Variants in MTUS2 observed in about 807,000 individuals in gnomAD.
MTUS2 encodes the protein microtubule-associated tumor suppressor candidate 2.
In MTUS2, 40 loss-of-function variants were observed where a neutral mutation model predicts 114.1. The observed-to-expected ratio is 0.35, with a 90% CI of 0.27 to 0.46. MTUS2 has a LOEUF of 0.46. MTUS2 is among the 20% of genes least tolerant of loss of function. The pLI is 1.00. For missense variants in MTUS2, 1,679 were observed against 1,705.4 expected, an observed-to-expected ratio of 0.98 and a Z score of 0.27; for synonymous variants, 688 against 672.0, an observed-to-expected ratio of 1.02 and a Z score of -0.37.
Position 28,938,134 on chromosome 13 carries a change from C to T in MTUS2, c.-242-86323C>T, listed in dbSNP as rs542212111. 7.9e-5 allele frequency among the ~76,000 whole-genome samples: 12 copies of T among 152,268 alleles called. No individual in the cohort carries two copies. In the East Asian group the frequency reaches 1.9e-3, roughly 25 times the overall value. On this transcript the variant is annotated intron_variant, in intron 2 of 15. Transcript: ENST00000612955. ...GTGCGGTGGCTCACGTCTGCAATCC[C>T]GGCACTTTGGGAGGCCAAGGCGAGC... is the stretch of plus-strand genomic sequence containing the variant.
At chr13:29,495,325 T>C (rs1403840738) in intron 12 of MTUS2, among the ~76,000 whole-genome samples, 1 of 116,690 alleles carries the variant, frequency 8.6e-6, no homozygotes, top group Non-Finnish European at 1.6e-5. Context: ...GCCACTGCAC[T>C]CCAACCTGGG....
At chr13:29,061,368 G>C (rs945189988) in intron 4 of MTUS2, among the ~76,000 whole-genome samples, 2 of 152,140 alleles carry the variant, frequency 1.3e-5, no homozygotes, top group Non-Finnish European at 2.9e-5. Context: ...AAGTGGAACC[G>C]TTATCAGCCT....
At chr13:29,023,902 T>C (rs1886396454) in intron 2 of MTUS2, among the ~76,000 whole-genome samples, 1 of 152,180 alleles carries the variant, frequency 6.6e-6, no homozygotes, top group African/African-American at 2.4e-5. Context: ...TGATGTTAAA[T>C]TTGATCACGT....
chr13:29,231,312 T>A (rs573282683), intron 5 of MTUS2, among the ~76,000 whole-genome samples: 11 of 152,346 alleles, frequency 7.2e-5, no homozygotes, highest in African/African-American at 2.2e-4. Flanking sequence ...AAAAGTTTTT[T>A]AAAACTTTTT....
intron 2 of MTUS2, among the ~76,000 whole-genome samples, chr13:28,921,904 G>C (rs974937446): frequency 6.6e-6 from 1 of 152,218 alleles, no homozygotes; most frequent in Admixed American, 6.5e-5. Flanking sequence ...ACTGCCAGGG[G>C]ATGGGGGAGA....
chr13:29,000,359 T>C (rs1384456001), intron 2 of MTUS2, among the ~76,000 whole-genome samples: 4 of 152,118 alleles, frequency 2.6e-5, no homozygotes, highest in African/African-American at 4.8e-5. Flanking sequence ...CAGTGTTTTT[T>C]CCTTTTTTTT....
At chr13:28,934,627 G>A (rs908851105) in intron 2 of MTUS2, among the ~76,000 whole-genome samples, 8 of 152,050 alleles carry the variant, frequency 5.3e-5, no homozygotes, top group South Asian at 2.1e-4. Flanking sequence ...GGGTTCAAGC[G>A]ATTCTCCTGC....
intron 5 of MTUS2, among the ~76,000 whole-genome samples, chr13:29,155,822 A>G (rs1225882321): frequency 2.0e-5 from 3 of 151,966 alleles, no homozygotes; most frequent in Non-Finnish European, 2.9e-5. Flanking sequence ...ACATACACAC[A>G]TGTCTCTGAT....
At chr13:29,318,610 A>G (rs942058216) in intron 6 of MTUS2, among the ~76,000 whole-genome samples, 1 of 152,046 alleles carries the variant, frequency 6.6e-6, no homozygotes, top group African/African-American at 2.4e-5. Context: ...GCTCCTTTGC[A>G]ATTGGTCTTT....
chr13:29,076,784 G>A (rs1889213573), intron 4 of MTUS2, among the ~76,000 whole-genome samples: 1 of 152,186 alleles, frequency 6.6e-6, no homozygotes, highest in African/African-American at 2.4e-5. Flanking sequence ...ATTCACTGGT[G>A]TGAGGATCAC....
At chr13:29,378,470 A>G (rs1261726961) in intron 8 of MTUS2, among the ~76,000 whole-genome samples, 1 of 152,162 alleles carries the variant, frequency 6.6e-6, no homozygotes, top group East Asian at 1.9e-4. Flanking sequence ...TTTGAAGTGA[A>G]TAACTTTCAG....
chr13:29,428,890 C>G lies in MTUS2; in HGVS notation c.3118-11093C>G, dbSNP rs755549427. 4.3e-6 allele frequency: 7 copies of G among 1,614,076 alleles called. No individual in the cohort carries two copies. In the East Asian group the frequency reaches 1.6e-4, roughly 36 times the overall value. ...CTTATAACTGCCTTCAGTGCCTGGA[C>G]AAGACGGTACTTTGCCTTCCCTCTC... On this transcript the variant is annotated intron_variant, in intron 8 of 15. Transcript: ENST00000612955.
chr13:28,946,661 T>A (rs1386555950), intron 2 of MTUS2, among the ~76,000 whole-genome samples: 1 of 152,172 alleles, frequency 6.6e-6, no homozygotes, highest in East Asian at 1.9e-4. Context: ...AATTTGAAAT[T>A]CAGATATCAC....
chr13:28,953,587 C>T lies in MTUS2; in HGVS notation c.-242-70870C>T, dbSNP rs78254059. Among the ~76,000 whole-genome samples the T allele has an allele frequency of 7.8e-3, 1,189 of 152,242 alleles. 18 individuals are homozygous for T. The highest frequency in any genetic ancestry group is 0.027 in the African/African-American group (1,141 of 41,544). ...TTTAGGCCTTTTATTTGTCTTTCAA[C>T]TTTGCTTGTGATATCTTTTGCTTTT... is the stretch of plus-strand genomic sequence containing the variant. On this transcript the variant is annotated intron_variant, in intron 2 of 15. Transcript: ENST00000612955.
intron 4 of MTUS2, among the ~76,000 whole-genome samples, chr13:29,050,817 G>A (rs568295624): frequency 1.3e-5 from 2 of 152,180 alleles, no homozygotes; most frequent in Non-Finnish European, 2.9e-5. Flanking sequence ...GTTTGCACAA[G>A]TAGTACGTTC....
At chr13:29,173,700 C>T (rs1418337527) in intron 5 of MTUS2, among the ~76,000 whole-genome samples, 1 of 152,074 alleles carries the variant, frequency 6.6e-6, no homozygotes, top group Non-Finnish European at 1.5e-5. Context: ...TTGAACCCTT[C>T]TGAGAAGACT....
intron 2 of MTUS2, among the ~76,000 whole-genome samples, chr13:29,004,869 T>C (rs1393125366): frequency 6.6e-6 from 1 of 152,160 alleles, no homozygotes; most frequent in Non-Finnish European, 1.5e-5. Context: ...AGCAAATAGT[T>C]GTACAAGGTA....
chr13:29,396,761 A>C (rs1215033320), intron 8 of MTUS2, among the ~76,000 whole-genome samples: 1 of 152,234 alleles, frequency 6.6e-6, no homozygotes. Context: ...ATCCTTGTTC[A>C]GCCCACTGTG....
At chr13:29,366,771 A>G (rs1223199412) in intron 8 of MTUS2, among the ~76,000 whole-genome samples, 1 of 152,104 alleles carries the variant, frequency 6.6e-6, no homozygotes, top group African/African-American at 2.4e-5. Flanking sequence ...AGACAGGGAG[A>G]GAGATAGCCC....
Sources: allele counts gnomAD v4.1 joint callset (sites outside exome capture counted in the v4.1 genomes callset), GRCh38; gene constraint gnomAD v4.1.1; transcripts MANE v1.5; gene names NCBI Gene and HGNC (gene_info 2026-07-23, HGNC 2026-07-21).